The following EMC2 variants were observed in gnomAD, a reference collection of about 807,000 sequenced individuals.
EMC2 encodes TPR repeat protein 35.
A neutral mutation model predicts 51.6 loss-of-function variants in EMC2; 37 were observed. The ratio of observed to expected loss-of-function variants is 0.72; its 90% CI spans 0.55 to 0.94. The LOEUF (loss-of-function observed/expected upper bound fraction) is 0.94, where lower values mean the gene tolerates loss of function less well. Among genes scored for constraint, EMC2 ranks in the 40% least tolerant of loss-of-function variants. The pLI is 0.00. For missense variants in EMC2, 359 were observed against 350.9 expected (o/e 1.02, Z -0.18); for synonymous variants, 131 against 112.4 (o/e 1.17, Z -1.04).
chr8:108,475,722 G>T, intron 7 of EMC2, 160 bp from the exon 8 acceptor site: 2 of 528,732 alleles, frequency 3.8e-6, no homozygotes, highest in South Asian at 2.6e-5. Context: ...TGATATTTAT[G>T]AATTTCAGAT....
At chr8:108,467,719 T>C (rs1189032553) in intron 5 of EMC2, among the ~76,000 whole-genome samples, 1 of 152,128 alleles carries the variant, frequency 6.6e-6, no homozygotes, top group East Asian at 1.9e-4. Context: ...ATCCAACTGT[T>C]TTCAACAAGT....
At chr8:108,458,041 C>T (rs1253895710) in intron 5 of EMC2, among the ~76,000 whole-genome samples, 1 of 152,186 alleles carries the variant, frequency 6.6e-6, no homozygotes, top group Non-Finnish European at 1.5e-5. Flanking sequence ...AACAAAGAGG[C>T]TACAGGCCCC....
At chr8:108,462,508 G>A (rs1304631764) in intron 5 of EMC2, among the ~76,000 whole-genome samples, 1 of 152,014 alleles carries the variant, frequency 6.6e-6, no homozygotes, top group Non-Finnish European at 1.5e-5. Flanking sequence ...GAAATGTCTG[G>A]GTCAGGAGGT....
intron 5 of EMC2, among the ~76,000 whole-genome samples, chr8:108,462,716 A>G (rs1239373874): frequency 6.7e-6 from 1 of 149,326 alleles, no homozygotes; most frequent in South Asian, 2.1e-4. Context: ...TTGCATTATG[A>G]GTACTGCTGA....
At chr8:108,477,095 T>C (rs1392498221) in intron 9 of EMC2, among the ~76,000 whole-genome samples, 1 of 152,016 alleles carries the variant, frequency 6.6e-6, no homozygotes, top group African/African-American at 2.4e-5. Context: ...CATTCTTTTT[T>C]TGTAAACTAT....
At chr8:108,481,481 T>A (rs950875415) in intron 10 of EMC2, among the ~76,000 whole-genome samples, 6 of 151,962 alleles carry the variant, frequency 3.9e-5, no homozygotes, top group African/African-American at 1.4e-4. Flanking sequence ...AAAAAAGATT[T>A]GTGTAATATA....
At chr8:108,445,897 ATTTCT>A (rs910910003) in intron 1 of EMC2, among the ~76,000 whole-genome samples, 1 of 152,166 alleles carries the variant, frequency 6.6e-6, no homozygotes, top group African/African-American at 2.4e-5. Context: ...CGTTGAAATA[ATTTCT>A]TTAGTATCTT....
chr8:108,449,813 T>C lies in EMC2; in HGVS notation c.41-10T>C. The C allele has an allele frequency of 1.6e-6, 2 of 1,289,364 alleles. No individual in the cohort carries two copies. Among genetic ancestry groups the C allele is most frequent in the Non-Finnish European group, 2.2e-6 (2 of 889,682 alleles). 79.9% of individuals were successfully genotyped at this position (1,289,364 alleles called of 1,614,324 possible). A position where few individuals can be genotyped will look rare whatever the true frequency, so the allele number is the denominator to read the frequency against. On this transcript the variant is annotated splice_polypyrimidine_tract_variant and intron_variant, in intron 1 of 10. Coordinates refer to ENST00000220853, the MANE Select transcript of EMC2 (RefSeq NM_014673.5). ...ACATATACACTTAAATGTCATGTTA[T>C]TTTTTTCAGAAATGAGAGATAAAAT...
At chr8:108,470,664 T>C (rs1359827736) in intron 7 of EMC2, among the ~76,000 whole-genome samples, 1 of 152,126 alleles carries the variant, frequency 6.6e-6, no homozygotes, top group Non-Finnish European at 1.5e-5. Flanking sequence ...ATGTTTTTGT[T>C]AGCTTTTTTA....
chr8:108,482,832 T>C (rs1663440954), intron 10 of EMC2, among the ~76,000 whole-genome samples: 1 of 152,028 alleles, frequency 6.6e-6, no homozygotes, highest in Non-Finnish European at 1.5e-5. Flanking sequence ...AATCCTCCTG[T>C]CTCAGCCTCC....
chr8:108,443,817 T>C (rs1818810359), intron 1 of EMC2, 119 bp downstream of exon 1: 3 of 834,648 alleles, frequency 3.6e-6, no homozygotes, highest in South Asian at 1.6e-5. Flanking sequence ...GAGCCCTCAC[T>C]GTACGGGCCA....
At chr8:108,481,189 C>CT (rs1363142755) in intron 10 of EMC2, among the ~76,000 whole-genome samples, 1 of 151,932 alleles carries the variant, frequency 6.6e-6, no homozygotes, top group Admixed American at 6.6e-5. Flanking sequence ...TTGGTGCTGG[C>CT]TTTTTGTTGT....
intron 5 of EMC2, among the ~76,000 whole-genome samples, chr8:108,458,656 A>G (rs1290825877): frequency 2.0e-5 from 3 of 152,106 alleles, no homozygotes; most frequent in Admixed American, 1.3e-4. Flanking sequence ...CCTAGGTTGC[A>G]CACTGCACGG....
chr8:108,478,338 C>T (rs866501117), intron 9 of EMC2, among the ~76,000 whole-genome samples: 12 of 151,954 alleles, frequency 7.9e-5, no homozygotes, highest in Admixed American at 1.3e-4. Flanking sequence ...AAGAACCGCT[C>T]ATTTAAATAC....
chr8:108,460,277 A>G (rs1231539162), intron 5 of EMC2, among the ~76,000 whole-genome samples: 4 of 152,248 alleles, frequency 2.6e-5, no homozygotes, highest in Admixed American at 2.0e-4. Context: ...TCTTCAGACT[A>G]TAAGATAATA....
At chr8:108,451,808 A>G (rs894271439) in intron 3 of EMC2, among the ~76,000 whole-genome samples, 11 of 152,252 alleles carry the variant, frequency 7.2e-5, no homozygotes, top group African/African-American at 2.7e-4. Context: ...CAGTAACTTT[A>G]TAATGGTTAA....
In EMC2 at chr8:108,449,792, A is replaced by G. The variant is rs760979607; in HGVS notation, c.41-31A>G. On this transcript the variant is annotated intron_variant, in intron 1 of 10. Transcript: ENST00000220853. ...TGTGTATGTGTGTGTCTGGGTACAT[A>G]TACACTTAAATGTCATGTTATTTTT... is the stretch of plus-strand genomic sequence containing the variant. 133 of 1,026,470 alleles carry G rather than the reference A, an allele frequency of 1.3e-4. 1 individual carries two copies. The highest frequency in any genetic ancestry group is 6.2e-4 in the Middle Eastern group (3 of 4,872). The allele number at this position is 1,026,470 out of a possible 1,614,324, so 63.6% of individuals were successfully genotyped here. A position where few individuals can be genotyped will look rare whatever the true frequency, so the allele number is the denominator to read the frequency against.
At chr8:108,444,057 C>T (rs907966531) in intron 1 of EMC2, among the ~76,000 whole-genome samples, 2 of 152,212 alleles carry the variant, frequency 1.3e-5, no homozygotes, top group Non-Finnish European at 2.9e-5. Flanking sequence ...ACTGAAGCTT[C>T]TTTGGAGCCA....
rs1480113202 is a variant in EMC2, at chr8:108,489,186, GT to G, written c.*2591del. ...AATGAGAAAAAATAAACTCCAGATT[GT>G]TTAAGACACTGTTTGGTTTCCTGTT... On this transcript the variant is annotated 3_prime_UTR_variant, in exon 11 of 11. Coordinates refer to ENST00000220853, the MANE Select transcript of EMC2 (RefSeq NM_014673.5). Among the ~76,000 whole-genome samples the G allele has an allele frequency of 6.6e-6, 1 of 152,172 alleles. No homozygotes were observed. The highest frequency in any genetic ancestry group is 1.5e-5 in the Non-Finnish European group (1 of 68,026).
Sources: gnomAD v4.1 joint callset for allele counts (sites outside exome capture counted in the v4.1 genomes callset) on GRCh38, gnomAD v4.1.1 for gene constraint, MANE v1.5 for transcripts, NCBI Gene and HGNC (gene_info 2026-07-23, HGNC 2026-07-21) for gene names.